ECT2: variants seen among roughly 807,000 people sequenced by gnomAD.
ECT2 encodes protein ECT2.
Under a neutral mutation model 116.9 loss-of-function variants are expected in ECT2, and 61 were observed. The observed-to-expected ratio is 0.52, with a 90% CI of 0.42 to 0.65. The LOEUF is 0.65. ECT2 is among the 30% of genes least tolerant of loss of function. ECT2 has a pLI of 0.00. For synonymous variants in ECT2, 358 were observed against 346.4 expected (o/e 1.03, Z -0.37); for missense variants, 937 against 1,078.7 (o/e 0.87, Z 1.84).
At position 172,801,116 on chromosome 3, in the gene ECT2, A is replaced by C. The variant is rs116149936; in HGVS notation, c.1908-1500A>C. Among the ~76,000 whole-genome samples, 788 of 151,700 alleles carry C rather than the reference A, an allele frequency of 5.2e-3. 6 individuals are homozygous for C. The highest frequency in any genetic ancestry group is 0.018 in the African/African-American group (735 of 41,410). On this transcript the variant is annotated intron_variant, in intron 18 of 24. Transcript: ENST00000392692. ...TTACTAATTCACTTATCTCTGTTTC[A>C]ATTTTTTTTTTCTCATTAGTCTTAT... is the stretch of plus-strand genomic sequence containing the variant.
At chr3:172,763,124 G>A (rs1718663779) in intron 11 of ECT2, 152 bp downstream of exon 11, 1 of 767,212 alleles carries the variant, frequency 1.3e-6, no homozygotes, top group Admixed American at 2.8e-5. Context: ...GTAGATTTAA[G>A]TGGAACTATT....
chr3:172,782,113 T>C (rs778159502), intron 14 of ECT2, 50 bp from the exon 15 acceptor site: 1 of 1,113,884 alleles, frequency 9.0e-7, no homozygotes, highest in East Asian at 2.6e-5. Flanking sequence ...AAAAGTTGTA[T>C]AAGGAGCTGT....
At chr3:172,771,014 T>A (rs932567605) in intron 13 of ECT2, among the ~76,000 whole-genome samples, 2 of 152,218 alleles carry the variant, frequency 1.3e-5, no homozygotes, top group African/African-American at 4.8e-5. Flanking sequence ...AGAAAAAGCT[T>A]CATACAGAAG....
chr3:172,787,743 T>C (rs1262508528), intron 18 of ECT2, among the ~76,000 whole-genome samples: 2 of 152,200 alleles, frequency 1.3e-5, no homozygotes, highest in Admixed American at 1.3e-4. Flanking sequence ...TAGGCAGTCA[T>C]TGTTTTCATA....
chr3:172,760,973 G>C (rs909584412), intron 7 of ECT2, among the ~76,000 whole-genome samples: 1 of 151,882 alleles, frequency 6.6e-6, no homozygotes, highest in African/African-American at 2.4e-5. Context: ...TGCCTGCCTC[G>C]GACTCCCAAA....
intron 12 of ECT2, among the ~76,000 whole-genome samples, chr3:172,767,877 A>G (rs1170078288): frequency 6.6e-6 from 1 of 151,964 alleles, no homozygotes; most frequent in Non-Finnish European, 1.5e-5. Context: ...GATTACAGGC[A>G]TGTACCACCA....
intron 14 of ECT2, among the ~76,000 whole-genome samples, chr3:172,774,738 A>C (rs1721342348): frequency 6.6e-6 from 1 of 152,126 alleles, no homozygotes; most frequent in South Asian, 2.1e-4. Context: ...TCCTGGACTC[A>C]ACTGATCCTC....
At chr3:172,820,022 A>G in intron 24 of ECT2, 126 bp from the exon 25 acceptor site, 1 of 581,312 alleles carries the variant, frequency 1.7e-6, no homozygotes, top group Non-Finnish European at 2.9e-6. Context: ...GAATTGTCAG[A>G]TGTCTTGTAC....
chr3:172,780,160 T>A (rs1460760084), intron 14 of ECT2, among the ~76,000 whole-genome samples: 1 of 152,178 alleles, frequency 6.6e-6, no homozygotes, highest in Non-Finnish European at 1.5e-5. Context: ...ACATAGCATA[T>A]AGATATACTA....
intron 18 of ECT2, among the ~76,000 whole-genome samples, chr3:172,789,103 G>A (rs1724144904): frequency 6.6e-6 from 1 of 150,640 alleles, no homozygotes; most frequent in Admixed American, 6.6e-5. Context: ...CCTTCAGTAA[G>A]TTATAGTCTT....
chr3:172,780,956 GTT>G (rs1310055389), intron 14 of ECT2, among the ~76,000 whole-genome samples: 4 of 152,042 alleles, frequency 2.6e-5, no homozygotes, highest in Non-Finnish European at 4.4e-5. Flanking sequence ...AAATACAAAA[GTT>G]TTAAATTTTG....
At chr3:172,819,933 C>A (rs1487227988) in intron 24 of ECT2, among the ~76,000 whole-genome samples, 1 of 152,016 alleles carries the variant, frequency 6.6e-6, no homozygotes, top group East Asian at 1.9e-4. Context: ...ACTAGTCTAG[C>A]TATTTGGCTT....
intron 24 of ECT2, chr3:172,818,700 A>G (rs1349998829): frequency 7.8e-7 from 1 of 1,289,000 alleles, no homozygotes; most frequent in African/African-American, 1.5e-5. Flanking sequence ...AGATACTAGA[A>G]GGAAATACTG....
intron 20 of ECT2, among the ~76,000 whole-genome samples, chr3:172,803,353 T>TTCCAATAATGATGTGG (rs1727076815): frequency 6.6e-6 from 1 of 152,206 alleles, no homozygotes; most frequent in South Asian, 2.1e-4. Context: ...GATGTGGTTG[T>TTCCAATAATGATGTGG]ATTTTGTTGA....
intron 18 of ECT2, among the ~76,000 whole-genome samples, chr3:172,791,166 T>C (rs1373507428): frequency 6.6e-6 from 1 of 152,298 alleles, no homozygotes; most frequent in East Asian, 1.9e-4. Context: ...AGAAAAAAAT[T>C]AGTAAACCAT....
intron 5 of ECT2, among the ~76,000 whole-genome samples, chr3:172,758,250 C>G (rs776177136): frequency 1.3e-4 from 20 of 152,068 alleles, no homozygotes; most frequent in Non-Finnish European, 2.4e-4. Flanking sequence ...CTTAAGCTTG[C>G]CTTGTTTACT....
chr3:172,800,938 A>C (rs1483917533), intron 18 of ECT2, among the ~76,000 whole-genome samples: 1 of 152,212 alleles, frequency 6.6e-6, no homozygotes, highest in Non-Finnish European at 1.5e-5. Context: ...TAAATGCAGA[A>C]TTTTGTTGTT....
At chr3:172,751,462 A>G (rs1715808685) in intron 1 of ECT2, among the ~76,000 whole-genome samples, 1 of 152,170 alleles carries the variant, frequency 6.6e-6, no homozygotes, top group Non-Finnish European at 1.5e-5. Context: ...ACGTTTCTTC[A>G]TCCATACATT....
chr3:172,818,863 G>A lies in ECT2; in HGVS notation c.2656-1285G>A, dbSNP rs527640538. 3.5e-5 allele frequency: 40 copies of A among 1,140,510 alleles called. No individual in the cohort carries two copies. The East Asian group carries it at 2.6e-3, about 73-fold the overall frequency. 70.6% of individuals were successfully genotyped at this position (1,140,510 alleles called of 1,614,324 possible). A position where few individuals can be genotyped will look rare whatever the true frequency, so the allele number is the denominator to read the frequency against. On this transcript the variant is annotated intron_variant, in intron 24 of 24. Transcript: ENST00000392692. Reference sequence around the variant, plus strand: ...TTTGTATTTGCGGGAAAAAAAAAAGGAACATATTTTTTCTCCAAGGAATCA... The same window carrying A: ...TTTGTATTTGCGGGAAAAAAAAAAGAAACATATTTTTTCTCCAAGGAATCA...
Sources: allele counts gnomAD v4.1 joint callset (sites outside exome capture counted in the v4.1 genomes callset), GRCh38; gene constraint gnomAD v4.1.1; transcripts MANE v1.5; gene names NCBI Gene and HGNC (gene_info 2026-07-23, HGNC 2026-07-21).